SDR42E1: variants seen among roughly 807,000 people sequenced by gnomAD.
SDR42E1 encodes short-chain dehydrogenase/reductase family 42E member 1.
A neutral mutation model predicts 2.6 loss-of-function variants in SDR42E1; 5 were observed. The observed-to-expected ratio is 1.94, with a 90% confidence interval of 1.01 to 4.08. SDR42E1 has a LOEUF of 4.08. Ranked by LOEUF, SDR42E1 falls within the 30% of genes most tolerant of loss-of-function variation. The pLI is 0.00. For missense variants in SDR42E1, 596 were observed against 478.6 expected (o/e 1.25, Z -2.29); for synonymous variants, 231 against 188.3 (o/e 1.23, Z -1.86).
chr16:82,001,901 CA>C (rs60540378), intron 1 of SDR42E1, among the ~76,000 whole-genome samples: 7,946 of 67,634 alleles, frequency 0.12, 728 homozygotes, highest in African/African-American at 0.31. Flanking sequence ...GACTCCATCT[CA>C]AAAAAAAAAA....
chr16:82,006,350 T>C (rs1246724924), intron 1 of SDR42E1, among the ~76,000 whole-genome samples: 1 of 152,238 alleles, frequency 6.6e-6, no homozygotes, highest in Admixed American at 6.5e-5. Context: ...GCTAGAGGGC[T>C]TACGAAATGG....
Position 81,991,334 on chromosome 16 carries a change from C to T in SDR42E1, c.*7777G>A, listed in dbSNP as rs1422712115. ...ATTTACAGTTACTCATTTTTTGTAACAAATAGTTTACTTTAATTGCAAATG... is the reference window on the plus strand; with the variant it reads ...ATTTACAGTTACTCATTTTTTGTAATAAATAGTTTACTTTAATTGCAAATG... On this transcript the variant is annotated 3_prime_UTR_variant, in exon 3 of 3. Coordinates refer to ENST00000328945, the MANE Select transcript of SDR42E1 (RefSeq NM_145168.3). The T allele has an allele frequency of 1.3e-5, 2 of 152,112 alleles. No individual in the cohort carries two copies. Among genetic ancestry groups the T allele is most frequent in the African/African-American group, 4.8e-5 (2 of 41,420 alleles). 9.4% of individuals were successfully genotyped at this position (152,112 alleles called of 1,614,324 possible). A position where few individuals can be genotyped will look rare whatever the true frequency, so the allele number is the denominator to read the frequency against.
Position 82,010,417 on chromosome 16 carries a change from G to A in SDR42E1, c.-27+970C>T, listed in dbSNP as rs115739810. Among the ~76,000 whole-genome samples the A allele has an allele frequency of 5.8e-3, 890 of 152,202 alleles. 13 individuals are homozygous for A. The highest frequency in any genetic ancestry group is 0.02 in the African/African-American group (843 of 41,514). On this transcript the variant is annotated intron_variant, in intron 1 of 2. Transcript: ENST00000328945. ...AATAAGGCTGGGACAATACAGATTC[G>A]CTTAGGTCATTATCTTATCACTGTG...
Position 81,991,889 on chromosome 16 carries a change from G to T in SDR42E1, c.*7222C>A, listed in dbSNP as rs1197802313. 3 of 152,078 alleles carry T rather than the reference G, an allele frequency of 2.0e-5. No homozygotes were observed. The East Asian group carries it at 5.8e-4, about 29-fold the overall frequency. 9.4% of individuals were successfully genotyped at this position (152,078 alleles called of 1,614,324 possible). A position where few individuals can be genotyped will look rare whatever the true frequency, so the allele number is the denominator to read the frequency against. ...TTGATCTGTTTCTTAAAGACATTAA[G>T]AAAGCTAAATAAGCCTAAGAAATAA... On this transcript the variant is annotated 3_prime_UTR_variant, in exon 3 of 3. Transcript: ENST00000328945.
chr16:81,994,891 AG>A lies in SDR42E1; in HGVS notation c.*4219del, dbSNP rs1660556697. 1 of 152,226 alleles carries A rather than the reference AG, an allele frequency of 6.6e-6. No individual in the cohort carries two copies. The highest frequency in any genetic ancestry group is 1.5e-5 in the Non-Finnish European group (1 of 68,046). 9.4% of individuals were successfully genotyped at this position (152,226 alleles called of 1,614,324 possible). A position where few individuals can be genotyped will look rare whatever the true frequency, so the allele number is the denominator to read the frequency against. On this transcript the variant is annotated 3_prime_UTR_variant, in exon 3 of 3. Transcript: ENST00000328945. ...AGGAAAATAAAACATTTTCTTGAAA[AG>A]AATCCCTAGGCCTATTCCCTAGGTT...
chr16:82,006,655 G>T (rs749113969), intron 1 of SDR42E1, among the ~76,000 whole-genome samples: 2 of 152,090 alleles, frequency 1.3e-5, no homozygotes, highest in Non-Finnish European at 2.9e-5. Context: ...TTCGCCAGGC[G>T]TGGTGATGCA....
At chr16:82,009,541 G>A (rs2035851194) in intron 1 of SDR42E1, among the ~76,000 whole-genome samples, 1 of 152,238 alleles carries the variant, frequency 6.6e-6, no homozygotes, top group South Asian at 2.1e-4. Flanking sequence ...AGACTTGCAT[G>A]GGGCCTGTAG....
intron 1 of SDR42E1, among the ~76,000 whole-genome samples, chr16:82,008,535 CA>C (rs758605331): frequency 3.3e-5 from 5 of 152,152 alleles, no homozygotes; most frequent in Non-Finnish European, 5.9e-5. Context: ...GGAACTGGAG[CA>C]AAAGTGACTC....
At chr16:82,003,525 CAG>C (rs1162433930) in intron 1 of SDR42E1, among the ~76,000 whole-genome samples, 6 of 152,228 alleles carry the variant, frequency 3.9e-5, no homozygotes, top group Admixed American at 1.3e-4. Flanking sequence ...TCCAACCGTA[CAG>C]ACTTTCCTTA....
intron 1 of SDR42E1, among the ~76,000 whole-genome samples, chr16:82,003,596 A>G (rs1419034091): frequency 6.6e-6 from 1 of 152,146 alleles, no homozygotes; most frequent in Non-Finnish European, 1.5e-5. Flanking sequence ...GACACATCGT[A>G]TACTAGGTCC....
At chr16:82,000,719 C>A in intron 2 of SDR42E1, 72 bp downstream of exon 2, 1 of 1,100,238 alleles carries the variant, frequency 9.1e-7, no homozygotes, top group South Asian at 1.3e-5. Flanking sequence ...GTCTGCTCTG[C>A]TGTCAGAGTT....
chr16:81,999,212 T>A lies in SDR42E1; in HGVS notation c.1081A>T (p.Ser361Cys). The A allele has an allele frequency of 1.2e-6, 2 of 1,614,220 alleles. No individual in the cohort carries two copies. Among genetic ancestry groups the A allele is most frequent in the Non-Finnish European group, 1.7e-6 (2 of 1,180,040 alleles). ...CAAACAAAACACTCCGAGTCACGAC[T>A]TCCAGAACTTCTGCCATGACCATGG... ...KAHGHGRSSG[S>C]RDSECFVWDG... Residue 361 changes from serine to cysteine, a missense_variant, in exon 3 of 3, where the codon AGT becomes TGT. Transcript: ENST00000328945.
rs1432733212 is a variant in SDR42E1, at chr16:81,995,124, T to G, written c.*3987A>C. The G allele has an allele frequency of 7.2e-5, 11 of 152,212 alleles. No homozygotes were observed. The highest frequency in any genetic ancestry group is 1.6e-4 in the Non-Finnish European group (11 of 68,052). The allele number at this position is 152,212 out of a possible 1,614,324, so 9.4% of individuals were successfully genotyped here. On this transcript the variant is annotated 3_prime_UTR_variant, in exon 3 of 3. Transcript: ENST00000328945. Reference sequence around the variant, plus strand: ...TTTGGGCATTACCTTTAGGTTCCAATACAGGGCTCCTTGTTGCTCACACAT... The same window carrying G: ...TTTGGGCATTACCTTTAGGTTCCAAGACAGGGCTCCTTGTTGCTCACACAT...
At chr16:82,002,623 G>A (rs764858909) in intron 1 of SDR42E1, among the ~76,000 whole-genome samples, 10 of 151,972 alleles carry the variant, frequency 6.6e-5, no homozygotes, top group Non-Finnish European at 1.3e-4. Flanking sequence ...ATTCACACCC[G>A]ATGGCAGTTT....
At position 81,995,003 on chromosome 16, in the gene SDR42E1, G is replaced by C. The variant is rs1481685426; in HGVS notation, c.*4108C>G. On this transcript the variant is annotated 3_prime_UTR_variant, in exon 3 of 3. Coordinates refer to ENST00000328945, the MANE Select transcript of SDR42E1 (RefSeq NM_145168.3). ...CTGTTACTGCTTGTAATGTGGCACT[G>C]TCTGCCCCTGTCACCAGAAACGGCA... is the stretch of plus-strand genomic sequence containing the variant. 1 of 152,176 alleles carries C rather than the reference G, an allele frequency of 6.6e-6. No individual in the cohort carries two copies. The highest frequency in any genetic ancestry group is 2.4e-5 in the African/African-American group (1 of 41,420). The allele number at this position is 152,176 out of a possible 1,614,324, so 9.4% of individuals were successfully genotyped here. A position where few individuals can be genotyped will look rare whatever the true frequency, so the allele number is the denominator to read the frequency against.
rs757982681 is a variant in SDR42E1, at chr16:82,000,324, G to C, written c.69-100C>G. The C allele has an allele frequency of 1.8e-5, 27 of 1,465,852 alleles. No homozygotes were observed. In the Admixed American group the frequency reaches 4.2e-4, roughly 23 times the overall value. 90.8% of individuals were successfully genotyped at this position (1,465,852 alleles called of 1,614,324 possible). ...ACCAATCAAGGTGGGGCTGATCCAA[G>C]TCTTCTTGGCTCATCCTGAGCCCCT... On this transcript the variant is annotated intron_variant, in intron 2 of 2. Transcript: ENST00000328945.
chr16:82,004,407 A>G (rs1364058381), intron 1 of SDR42E1, among the ~76,000 whole-genome samples: 1 of 152,234 alleles, frequency 6.6e-6, no homozygotes, highest in Non-Finnish European at 1.5e-5. Flanking sequence ...GCTGGTGTGC[A>G]AACTGAAGCA....
rs1913099994 is a variant in SDR42E1 at position 82,010,758 on chromosome 16, T to C, written c.-27+629A>G. The stretch of plus-strand genomic sequence containing the variant: ...AAATGTAGAAAACGAAACTGGGCTC[T>C]GACCACATTAAGAATACATCGTCAG... On this transcript the variant is annotated intron_variant, in intron 1 of 2. Transcript: ENST00000328945. Among the ~76,000 whole-genome samples the C allele has an allele frequency of 2.6e-5, 4 of 152,210 alleles. No individual in the cohort carries two copies. In the South Asian group the frequency reaches 8.3e-4, roughly 32 times the overall value.
chr16:81,997,805 G>T lies in SDR42E1; in HGVS notation c.*1306C>A, dbSNP rs1330896256. On this transcript the variant is annotated 3_prime_UTR_variant, in exon 3 of 3. Transcript: ENST00000328945. ...AAGTTCTAAAGGGCTTCTGTTCCTT[G>T]GTTAAGGCCACACACGATATTCACG... is the stretch of plus-strand genomic sequence containing the variant. 2 of 152,266 alleles carry T rather than the reference G, an allele frequency of 1.3e-5. No individual in the cohort carries two copies. The highest frequency in any genetic ancestry group is 2.9e-5 in the Non-Finnish European group (2 of 68,032). 9.4% of individuals were successfully genotyped at this position (152,266 alleles called of 1,614,324 possible). A position where few individuals can be genotyped will look rare whatever the true frequency, so the allele number is the denominator to read the frequency against.
Sources: gnomAD v4.1 joint callset for allele counts (sites outside exome capture counted in the v4.1 genomes callset) on GRCh38, gnomAD v4.1.1 for gene constraint, MANE v1.5 for transcripts, NCBI Gene and HGNC (gene_info 2026-07-23, HGNC 2026-07-21) for gene names.